Variants in TRIML2 observed in about 807,000 individuals in gnomAD.
TRIML2 encodes the protein tripartite motif family like 2, also known as probable E3 ubiquitin-protein ligase TRIML2.
In TRIML2, 28 loss-of-function variants were observed where a neutral mutation model predicts 31.2. The observed-to-expected ratio is 0.90, with a 90% CI of 0.66 to 1.23. The LOEUF (loss-of-function observed/expected upper bound fraction) is 1.23. Among genes scored for constraint, TRIML2 ranks in the 50% most tolerant of loss-of-function variants. The probability of loss-of-function intolerance (pLI) is 0.00; values close to 1 mark genes in which losing one functional copy is unlikely to be tolerated. For missense variants in TRIML2, 536 were observed against 528.3 expected, an observed-to-expected ratio of 1.01 and a Z score of -0.14; for synonymous variants, 187 against 197.5, an observed-to-expected ratio of 0.95 and a Z score of 0.45.
intron 7 of TRIML2, among the ~76,000 whole-genome samples, chr4:188,094,133 ACAC>A (rs1252642129): frequency 7.0e-6 from 1 of 142,412 alleles, no homozygotes; most frequent in Non-Finnish European, 1.5e-5. Context: ...AAAACAAAAA[ACAC>A]AAAACAACAA....
chr4:188,108,272 T>C (rs1326216768), intron 1 of TRIML2, among the ~76,000 whole-genome samples: 1 of 152,140 alleles, frequency 6.6e-6, no homozygotes, highest in Non-Finnish European at 1.5e-5. Context: ...TTCAATCTCC[T>C]GCCCAATTCC....
At chr4:188,108,588 A>G (rs777330632) in intron 1 of TRIML2, among the ~76,000 whole-genome samples, 2 of 152,148 alleles carry the variant, frequency 1.3e-5, no homozygotes, top group African/African-American at 2.4e-5. Flanking sequence ...ACCCCGTCCT[A>G]TACAATCTGG....
chr4:188,091,457 G>C lies in TRIML2; in HGVS notation c.1230C>G (p.Leu410=), dbSNP rs758092392. 1 of 1,614,216 alleles carries C rather than the reference G, an allele frequency of 6.2e-7. No homozygotes were observed. Residue 410 remains leucine (L), a synonymous_variant, in exon 8 of 8, where the codon CTC becomes CTG. Coordinates refer to ENST00000682553, the MANE Select transcript of TRIML2 (RefSeq NM_173553.4). ...GACTTGTGTCTCCATTTGGGATACA[G>C]AGGGAAAACACAGGCCTGAGAGCTC... ...FQGALRPVFS[L]CIPNGDTSPD...
At chr4:188,100,698 G>A (rs1733748214) in intron 4 of TRIML2, among the ~76,000 whole-genome samples, 1 of 152,094 alleles carries the variant, frequency 6.6e-6, no homozygotes, top group Non-Finnish European at 1.5e-5. Flanking sequence ...CTCCAGCCTG[G>A]AGACAGAGCC....
chr4:188,096,528 CAAAAA>C (rs10607852), intron 7 of TRIML2, among the ~76,000 whole-genome samples: 44 of 39,278 alleles, frequency 1.1e-3, no homozygotes, highest in African/African-American at 3.7e-3. Flanking sequence ...AACTCTGTCT[CAAAAA>C]AAAAAAAAAA....
chr4:188,094,302 A>G (rs1733405526), intron 7 of TRIML2, among the ~76,000 whole-genome samples: 1 of 152,140 alleles, frequency 6.6e-6, no homozygotes, highest in South Asian at 2.1e-4. Context: ...AATTCAGAAA[A>G]GGCTTACAGA....
chr4:188,091,997 G>T (rs1179040319), intron 7 of TRIML2, 56 bp from the exon 8 acceptor site: 7 of 1,534,516 alleles, frequency 4.6e-6, no homozygotes, highest in African/African-American at 1.4e-5. Context: ...CAATGCCAGA[G>T]ACATGATTTC....
rs143392028 is a variant in TRIML2, at chr4:188,108,815, C to T, written c.-223+428G>A. ...TCACTACTCAATTTGAAATACCTTCCCACTACTCATCTCCTTATTTTATTT... is the reference window on the plus strand; with the variant it reads ...TCACTACTCAATTTGAAATACCTTCTCACTACTCATCTCCTTATTTTATTT... On this transcript the variant is annotated intron_variant, in intron 1 of 7. Coordinates refer to ENST00000682553, the MANE Select transcript of TRIML2 (RefSeq NM_173553.4). Among the ~76,000 whole-genome samples, 494 of 152,242 alleles carry T rather than the reference C, an allele frequency of 3.2e-3. 5 individuals are homozygous for T. The highest frequency in any genetic ancestry group is 0.011 in the African/African-American group (477 of 41,544).
intron 5 of TRIML2, among the ~76,000 whole-genome samples, chr4:188,097,635 T>A (rs1422900843): frequency 3.3e-5 from 5 of 152,134 alleles, no homozygotes; most frequent in Non-Finnish European, 5.9e-5. Flanking sequence ...CTATCTGCTT[T>A]CCATGCAGGG....
intron 3 of TRIML2, among the ~76,000 whole-genome samples, chr4:188,104,223 C>A (rs973236520): frequency 6.6e-6 from 1 of 152,184 alleles, no homozygotes; most frequent in Non-Finnish European, 1.5e-5. Flanking sequence ...ATTTTACTCA[C>A]CATATAATTT....
At chr4:188,103,568 G>A (rs1733897732) in intron 3 of TRIML2, among the ~76,000 whole-genome samples, 1 of 151,878 alleles carries the variant, frequency 6.6e-6, no homozygotes, top group African/African-American at 2.4e-5. Context: ...AAACTGCATG[G>A]CCCAATCCCC....
intron 7 of TRIML2, among the ~76,000 whole-genome samples, chr4:188,094,346 T>C (rs1199384398): frequency 6.6e-6 from 1 of 152,192 alleles, no homozygotes; most frequent in African/African-American, 2.4e-5. Context: ...TCTATACTCA[T>C]ATACTGCATG....
chr4:188,102,405 G>T (rs1241235666), intron 3 of TRIML2, among the ~76,000 whole-genome samples: 1 of 152,136 alleles, frequency 6.6e-6, no homozygotes, highest in Admixed American at 6.5e-5. Flanking sequence ...AGCTCGGGAT[G>T]TGATGAATTT....
chr4:188,104,908 T>A lies in TRIML2; in HGVS notation c.214A>T (p.Thr72Ser). Residue 72 changes from threonine to serine, a missense_variant, in exon 3 of 8, where the codon ACA becomes TCA. By Grantham distance (58) the Thr-to-Ser change is moderately conservative (BLOSUM62 1). Transcript: ENST00000682553. ...YRKLFQEILN[T>S]SREKLEAAKS... ...GCTGCTTCAAGTTTCTCCCTCGATGTGTTCAATATTTCCTGGAATAACTTC... is the reference window on the plus strand; with the variant it reads ...GCTGCTTCAAGTTTCTCCCTCGATGAGTTCAATATTTCCTGGAATAACTTC... The A allele has an allele frequency of 1.9e-6, 3 of 1,613,980 alleles. No homozygotes were observed. Among genetic ancestry groups the A allele is most frequent in the Non-Finnish European group, 2.5e-6 (3 of 1,179,884 alleles).
At position 188,104,827 on chromosome 4, in the gene TRIML2, A is replaced by T; in HGVS notation, c.285+10T>A. ...TTTCCCCCCAAGAATCAAGATAAGCACTCACTGACCTGAATCATCGCCATT... is the reference window on the plus strand; with the variant it reads ...TTTCCCCCCAAGAATCAAGATAAGCTCTCACTGACCTGAATCATCGCCATT... On this transcript the variant is annotated intron_variant, in intron 3 of 7. Coordinates refer to ENST00000682553, the MANE Select transcript of TRIML2 (RefSeq NM_173553.4). 6.2e-7 allele frequency: 1 copy of T among 1,605,996 alleles called. No individual in the cohort carries two copies. Among genetic ancestry groups the T allele is most frequent in the Non-Finnish European group, 8.5e-7 (1 of 1,172,790 alleles).
chr4:188,108,038 A>G (rs529193265), intron 1 of TRIML2, among the ~76,000 whole-genome samples: 78 of 152,260 alleles, frequency 5.1e-4, no homozygotes, highest in Admixed American at 1.9e-3. Flanking sequence ...AGCAGTTAAC[A>G]TAGCTGACCA....
At position 188,105,447 on chromosome 4, in the gene TRIML2, T is replaced by C; in HGVS notation, c.-79A>G. The stretch of plus-strand genomic sequence containing the variant: ...TCCCTGCACTGTGAATGAGAAAAAA[T>C]GGTGGCTTCCTTTGTTTTCTGGAGC... On this transcript the variant is annotated 5_prime_UTR_variant, in exon 2 of 8. Coordinates refer to ENST00000682553, the MANE Select transcript of TRIML2 (RefSeq NM_173553.4). The C allele has an allele frequency of 8.9e-7, 1 of 1,120,920 alleles. No individual in the cohort carries two copies. The highest frequency in any genetic ancestry group is 2.8e-5 in the Admixed American group (1 of 35,996). 69.4% of individuals were successfully genotyped at this position (1,120,920 alleles called of 1,614,324 possible). A position where few individuals can be genotyped will look rare whatever the true frequency, so the allele number is the denominator to read the frequency against.
rs925662205 is a variant in TRIML2 at position 188,109,228 on chromosome 4, G to GA, written c.-223+14dup. ...AATTATTAAGAAAATGATCTATAGA[G>GA]AAAATCTCACTTACTTTCTTTGTAG... On this transcript the variant is annotated intron_variant, in intron 1 of 7. Transcript: ENST00000682553. The GA allele has an allele frequency of 1.4e-5, 2 of 143,608 alleles. No individual in the cohort carries two copies. Among genetic ancestry groups the GA allele is most frequent in the African/African-American group, 5.1e-5 (2 of 39,004 alleles). 8.9% of individuals were successfully genotyped at this position (143,608 alleles called of 1,614,324 possible).
chr4:188,108,339 G>A (rs891548070), intron 1 of TRIML2, among the ~76,000 whole-genome samples: 1 of 152,086 alleles, frequency 6.6e-6, no homozygotes, highest in Non-Finnish European at 1.5e-5. Flanking sequence ...ATCTAAAGCC[G>A]CTCAGGATCT....
Sources: allele counts gnomAD v4.1 joint callset (sites outside exome capture counted in the v4.1 genomes callset), GRCh38; gene constraint gnomAD v4.1.1; transcripts MANE v1.5; gene names NCBI Gene and HGNC (gene_info 2026-07-23, HGNC 2026-07-21).